HIF3A: variants seen among roughly 807,000 people sequenced by gnomAD.
HIF3A encodes the protein hypoxia inducible factor 3 subunit alpha, also known as hypoxia-inducible factor 3-alpha.
A neutral mutation model predicts 67.2 loss-of-function variants in HIF3A; 41 were observed. The observed-to-expected ratio is 0.61, with a 90% CI of 0.48 to 0.79. The LOEUF is 0.79. Among genes scored for constraint, HIF3A ranks in the 30% least tolerant of loss-of-function variants. HIF3A has a pLI of 0.00. For missense variants in HIF3A, 855 were observed against 898.0 expected (o/e 0.95, Z 0.61); for synonymous variants, 356 against 374.8 (o/e 0.95, Z 0.58).
intron 8 of HIF3A, among the ~76,000 whole-genome samples, chr19:46,314,947 C>T (rs1441697717): frequency 6.8e-6 from 1 of 147,284 alleles, no homozygotes; most frequent in African/African-American, 2.5e-5. Flanking sequence ...CCTCAGACCC[C>T]AGAGTTTTGC....
At chr19:46,301,513 C>T (rs759052907) in intron 1 of HIF3A, among the ~76,000 whole-genome samples, 4 of 152,270 alleles carry the variant, frequency 2.6e-5, no homozygotes, top group Middle Eastern at 3.4e-3. Context: ...TGTTTCCCCA[C>T]TGTAAAGTGG....
chr19:46,312,356 T>C (rs1325859635), intron 7 of HIF3A, 89 bp downstream of exon 7: 1 of 1,609,638 alleles, frequency 6.2e-7, no homozygotes, highest in African/African-American at 1.3e-5. Flanking sequence ...TACCCCAGGA[T>C]GCACTGCCTC....
intron 1 of HIF3A, among the ~76,000 whole-genome samples, chr19:46,298,894 C>G (rs1452441886): frequency 6.6e-6 from 1 of 152,202 alleles, no homozygotes; most frequent in African/African-American, 2.4e-5. Flanking sequence ...AGACGCCCCC[C>G]CCCAATACCC....
Position 46,314,803 on chromosome 19 carries a change from C to T in HIF3A, c.1025+2150C>T, listed in dbSNP as rs1431550919. ...CGAACTCCTGACCTCAGGTGATCCA[C>T]CCGCCTCAGCCTCCCAAAGTGCTGG... On this transcript the variant is annotated intron_variant, in intron 8 of 14. Transcript: ENST00000377670. 1.4e-5 allele frequency among the ~76,000 whole-genome samples: 2 copies of T among 146,554 alleles called. 1 individual carries two copies. The highest frequency in any genetic ancestry group is 3.0e-5 in the Non-Finnish European group (2 of 66,778).
Position 46,307,743 on chromosome 19 carries a change from A to G in HIF3A, c.364-478A>G, listed in dbSNP as rs142859902. ...AGCCTGGGCAACAGAGCGAGACTCCATCTCAAAAAAAAAAAAGAAAAGAAA... is the reference window on the plus strand; with the variant it reads ...AGCCTGGGCAACAGAGCGAGACTCCGTCTCAAAAAAAAAAAAGAAAAGAAA... On this transcript the variant is annotated intron_variant, in intron 3 of 14. Transcript: ENST00000377670. Among the ~76,000 whole-genome samples, 22 of 150,354 alleles carry G rather than the reference A, an allele frequency of 1.5e-4. No individual in the cohort carries two copies. The East Asian group carries it at 4.3e-3, about 29-fold the overall frequency.
chr19:46,331,170 G>C lies in HIF3A; in HGVS notation c.1727G>C (p.Ser576Thr), dbSNP rs2147285328. The change falls in exon 13 of 15, where the codon AGC (serine) becomes ACC (threonine). Residue 576 changes from serine (S) to threonine (T), a missense_variant. By Grantham distance (58) the Ser-to-Thr change is moderately conservative. This residue lies in a region of HIF3A where 199 missense variants were observed against 193.8 expected (regional missense o/e 1.03). Transcript: ENST00000377670. ...TTTTCCTCCAGGACCCTGGCCCAGAGCTCAGAGGACGAGGACGAGGGAGTG... is the reference window on the plus strand; with the variant it reads ...TTTTCCTCCAGGACCCTGGCCCAGACCTCAGAGGACGAGGACGAGGGAGTG... ...AGARKRTLAQ[S>T]SEDEDEGVEL... is the part of the protein sequence containing the mutation. 6.2e-7 allele frequency: 1 copy of C among 1,613,428 alleles called. No homozygotes were observed.
In HIF3A at chr19:46,308,202, C is replaced by T; in HGVS notation, c.364-19C>T. On this transcript the variant is annotated intron_variant, in intron 3 of 14. Transcript: ENST00000377670. ...GGTCAGAAGCCCTGGTAGACCCCCA[C>T]CCCTCTCATCCCTGGCAGCTGGAGC... The T allele has an allele frequency of 3.2e-6, 5 of 1,568,726 alleles. No homozygotes were observed. In the South Asian group the frequency reaches 3.3e-5, roughly 10 times the overall value.
At position 46,333,949 on chromosome 19, in the gene HIF3A, C is replaced by T. The variant is rs575863584; in HGVS notation, c.1831-956C>T. The stretch of plus-strand genomic sequence containing the variant: ...CTGGGACCACAGGCAGCTGCCACCA[C>T]GCCTGGTTATTTTTTTTGTATTTTT... On this transcript the variant is annotated intron_variant, in intron 13 of 14. Transcript: ENST00000377670. 6.6e-5 allele frequency among the ~76,000 whole-genome samples: 10 copies of T among 151,546 alleles called. No homozygotes were observed. In the South Asian group the frequency reaches 2.1e-3, roughly 31 times the overall value.
intron 8 of HIF3A, among the ~76,000 whole-genome samples, chr19:46,315,073 T>TTTTTGTTTTGTTTTG (rs56343564): frequency 7.7e-5 from 11 of 142,164 alleles, no homozygotes; most frequent in Non-Finnish European, 1.7e-4. Flanking sequence ...TTTCTTGGTT[T>TTTTTGTTTTGTTTTG]TTTTGTTTTG....
chr19:46,336,120 G>A (rs1031714730), intron 14 of HIF3A, among the ~76,000 whole-genome samples: 1 of 107,018 alleles, frequency 9.3e-6, no homozygotes, highest in Non-Finnish European at 1.7e-5. Flanking sequence ...TTGAGACAGA[G>A]TCTCGCTCTG....
intron 13 of HIF3A, among the ~76,000 whole-genome samples, chr19:46,333,556 G>A (rs959030479): frequency 5.3e-5 from 8 of 152,088 alleles, no homozygotes; most frequent in South Asian, 4.2e-4. Flanking sequence ...ATGCTGTCAC[G>A]GTCTCTGTGT....
rs117050138 is a variant in HIF3A at position 46,333,407 on chromosome 19, C to G, written c.1831-1498C>G. On this transcript the variant is annotated intron_variant, in intron 13 of 14. Coordinates refer to ENST00000377670, the MANE Select transcript of HIF3A (RefSeq NM_152795.4). Reference sequence around the variant, plus strand: ...GTGCAGGGCGGGGTGGTCACTGGATCCTGCAGCGAGTGGAGTCCAGCTAAT... The same window carrying G: ...GTGCAGGGCGGGGTGGTCACTGGATGCTGCAGCGAGTGGAGTCCAGCTAAT... 1.3e-3 allele frequency among the ~76,000 whole-genome samples: 200 copies of G among 152,210 alleles called. 4 individuals carry two copies. In the East Asian group the frequency reaches 0.034, roughly 26 times the overall value.
At position 46,339,984 on chromosome 19, in the gene HIF3A, T is replaced by G. The variant is rs1971877234; in HGVS notation, c.*362T>G. The G allele has an allele frequency of 1.3e-5, 3 of 224,526 alleles. No individual in the cohort carries two copies. In the East Asian group the frequency reaches 2.6e-4, roughly 20 times the overall value. The allele number at this position is 224,526 out of a possible 1,614,324, so 13.9% of individuals were successfully genotyped here. On this transcript the variant is annotated 3_prime_UTR_variant, in exon 15 of 15. Transcript: ENST00000377670. ...GAGGGTTGGGGGGGTCATATCTGTG[T>G]TTCCAGGTTCTGGGGAGAACAATGA...
At chr19:46,299,525 A>G (rs1368922066) in intron 1 of HIF3A, among the ~76,000 whole-genome samples, 2 of 152,060 alleles carry the variant, frequency 1.3e-5, no homozygotes, top group Non-Finnish European at 2.9e-5. Flanking sequence ...CAGCCTGGGC[A>G]ACATGGCAAA....
chr19:46,321,710 G>A (rs1970376380), intron 9 of HIF3A, 66 bp from the exon 10 acceptor site: 1 of 1,406,240 alleles, frequency 7.1e-7, no homozygotes, highest in African/African-American at 1.4e-5. Context: ...GGGTTGGTAT[G>A]GAGGGCTCTG....
Position 46,332,552 on chromosome 19 carries a change from A to G in HIF3A, c.1830+1279A>G, listed in dbSNP as rs570340808. ...AAGACGCTGTCTCAAAAAAATAAAA[A>G]TAAAAAAGCCAGCCTGGACTATGTC... On this transcript the variant is annotated intron_variant, in intron 13 of 14. Coordinates refer to ENST00000377670, the MANE Select transcript of HIF3A (RefSeq NM_152795.4). Among the ~76,000 whole-genome samples, 10 of 152,208 alleles carry G rather than the reference A, an allele frequency of 6.6e-5. No individual in the cohort carries two copies. In the South Asian group the frequency reaches 2.1e-3, roughly 32 times the overall value.
rs769573736 is a variant in HIF3A at position 46,297,813 on chromosome 19, C to A, written c.26+711C>A. On this transcript the variant is annotated intron_variant, in intron 1 of 14. Coordinates refer to ENST00000377670, the MANE Select transcript of HIF3A (RefSeq NM_152795.4). This position sits in a 1 kb window ranked among gnomAD's most constrained non-coding sequence, Gnocchi z 4.5. ...GCTGGACCCACTTCCCAAAGTCCAG[C>A]CCCTCATCTCACCCCTGCACCCCCA... 4.6e-5 allele frequency among the ~76,000 whole-genome samples: 7 copies of A among 152,072 alleles called. No homozygotes were observed. Among genetic ancestry groups the A allele is most frequent in the Non-Finnish European group, 1.0e-4 (7 of 68,000 alleles).
In HIF3A at chr19:46,320,461, A is replaced by AGTG. The variant is rs1346287167; in HGVS notation, c.1048_1050dup (p.Val350dup). ...ACCCCAGCCAGGTGGAAGAGACCGGAGTGGTGCTGTCCCTGGAGCAAACGG... is the reference window on the plus strand; with the variant it reads ...ACCCCAGCCAGGTGGAAGAGACCGGAGTGGTGGTGCTGTCCCTGGAGCAAACGG... On this transcript the variant is annotated inframe_insertion, in exon 9 of 15. Transcript: ENST00000377670. 6.2e-7 allele frequency: 1 copy of AGTG among 1,614,044 alleles called. No individual in the cohort carries two copies. The highest frequency in any genetic ancestry group is 1.3e-5 in the African/African-American group (1 of 75,050).
intron 12 of HIF3A, 31 bp from the exon 13 acceptor site, chr19:46,331,125 T>C (rs368355842): frequency 1.3e-6 from 2 of 1,565,846 alleles, no homozygotes. Context: ...AGGTTTGCTG[T>C]GTCCTGAGAT....
Sources: allele counts gnomAD v4.1 joint callset (sites outside exome capture counted in the v4.1 genomes callset), GRCh38; gene constraint gnomAD v4.1.1; regional missense constraint gnomAD v4.1.1; non-coding constraint Gnocchi (gnomAD v3.1); transcripts MANE v1.5; gene names NCBI Gene and HGNC (gene_info 2026-07-23, HGNC 2026-07-21).